The following ASAP1 variants were observed in gnomAD, a reference collection of about 807,000 sequenced individuals.
ASAP1 encodes ArfGAP with SH3 domain, ankyrin repeat and PH domain 1, also known as arf-GAP with SH3 domain, ANK repeat and PH domain-containing protein 1.
ASAP1 carries 43 observed loss-of-function variants against 145.2 expected under a neutral mutation model. The ratio of observed to expected loss-of-function variants is 0.30; its 90% CI spans 0.23 to 0.38. The LOEUF (loss-of-function observed/expected upper bound fraction) is 0.38. Among genes scored for constraint, ASAP1 ranks in the 10% least tolerant of loss-of-function variants. ASAP1 has a pLI of 1.00. For synonymous variants in ASAP1, 546 were observed against 515.5 expected (o/e 1.06, Z -0.80); for missense variants, 1,018 against 1,355.3 (o/e 0.75, Z 3.91).
intron 3 of ASAP1, among the ~76,000 whole-genome samples, chr8:130,239,856 G>A (rs930808357): frequency 1.2e-4 from 19 of 152,142 alleles, no homozygotes; most frequent in Admixed American, 1.2e-3. Context: ...CACATACTAA[G>A]TAAGAGAAGA....
chr8:130,312,454 A>G (rs200561211), intron 3 of ASAP1, among the ~76,000 whole-genome samples: 7 of 75,738 alleles, frequency 9.2e-5, no homozygotes, highest in South Asian at 3.3e-4. Flanking sequence ...AAAGGAGGGG[A>G]AAAAAAACCC....
chr8:130,232,451 GAAC>G (rs371567152), intron 4 of ASAP1, among the ~76,000 whole-genome samples: 1 of 152,134 alleles, frequency 6.6e-6, no homozygotes, highest in African/African-American at 2.4e-5. Context: ...AAAACTTAGA[GAAC>G]AACACAGGAA....
At chr8:130,065,446 T>G (rs1423281868) in intron 27 of ASAP1, among the ~76,000 whole-genome samples, 2 of 152,066 alleles carry the variant, frequency 1.3e-5, no homozygotes, top group Non-Finnish European at 2.9e-5. Flanking sequence ...GGGTATAGGG[T>G]AGGATCTCAA....
At chr8:130,438,754 C>T (rs924195182) in intron 1 of ASAP1, among the ~76,000 whole-genome samples, 2 of 152,190 alleles carry the variant, frequency 1.3e-5, no homozygotes, top group African/African-American at 4.8e-5. Flanking sequence ...CCACGGAGGC[C>T]TGGCACAGAG....
At position 130,413,263 on chromosome 8, in the gene ASAP1, A is replaced by G. The variant is rs117151718; in HGVS notation, c.-27-11293T>C. ...ATTTCCCTTCTAGTTTTAGAACTAA[A>G]AAAAGATCTTTAACACACTAACAAG... On this transcript the variant is annotated intron_variant, in intron 1 of 29. Transcript: ENST00000518721. 3.2e-3 allele frequency among the ~76,000 whole-genome samples: 487 copies of G among 152,342 alleles called. 7 individuals are homozygous for G. The highest frequency in any genetic ancestry group is 0.019 in the Admixed American group (284 of 15,296).
At chr8:130,441,856 T>C (rs1268363845) in intron 1 of ASAP1, among the ~76,000 whole-genome samples, 1 of 152,162 alleles carries the variant, frequency 6.6e-6, no homozygotes, top group East Asian at 1.9e-4. Context: ...GAAAAATAGA[T>C]GGGCTGCTTA....
intron 25 of ASAP1, among the ~76,000 whole-genome samples, chr8:130,090,714 A>C (rs2097503738): frequency 1.3e-5 from 2 of 152,326 alleles, no homozygotes; most frequent in African/African-American, 4.8e-5. Context: ...ATGGACTGAG[A>C]AGGCCCAAGC....
chr8:130,150,645 G>T (rs1288081567), intron 13 of ASAP1, among the ~76,000 whole-genome samples: 1 of 152,130 alleles, frequency 6.6e-6, no homozygotes, highest in Non-Finnish European at 1.5e-5. Flanking sequence ...TTGGGAGGCC[G>T]AGGCGGGTGG....
intron 5 of ASAP1, among the ~76,000 whole-genome samples, chr8:130,193,936 C>T (rs574329794): frequency 1.3e-5 from 2 of 152,252 alleles, no homozygotes; most frequent in Admixed American, 6.5e-5. Flanking sequence ...GTGATCTGCC[C>T]GCCTCTGCCT....
At chr8:130,056,649 A>C (rs2097404884) in intron 29 of ASAP1, among the ~76,000 whole-genome samples, 1 of 152,190 alleles carries the variant, frequency 6.6e-6, no homozygotes, top group African/African-American at 2.4e-5. Flanking sequence ...GAAAAGTCAA[A>C]GGTGAATGTG....
intron 29 of ASAP1, 97 bp from the exon 30 acceptor site, chr8:130,054,902 C>G (rs1283119532): frequency 7.4e-6 from 7 of 949,892 alleles, no homozygotes; most frequent in Non-Finnish European, 1.2e-5. Flanking sequence ...TGCCCACAGA[C>G]CTGGCGGTGG....
At chr8:130,063,887 C>T (rs189743972) in intron 27 of ASAP1, among the ~76,000 whole-genome samples, 123 of 152,150 alleles carry the variant, frequency 8.1e-4, no homozygotes, top group Non-Finnish European at 1.1e-3. Context: ...TCACATTCCA[C>T]GAGAGGGTGA....
intron 4 of ASAP1, among the ~76,000 whole-genome samples, chr8:130,230,272 GGA>G (rs199892460): frequency 0.1 from 15,577 of 152,052 alleles, 922 homozygotes; most frequent in South Asian, 0.27. Flanking sequence ...GCAAAACGGA[GGA>G]AGTGCATACA....
chr8:130,357,569 T>C (rs1826399774), intron 3 of ASAP1, among the ~76,000 whole-genome samples: 1 of 152,252 alleles, frequency 6.6e-6, no homozygotes, highest in Non-Finnish European at 1.5e-5. Flanking sequence ...TACGCCTGCC[T>C]GGTCCAGTCG....
intron 11 of ASAP1, among the ~76,000 whole-genome samples, chr8:130,162,173 GA>G (rs1472195629): frequency 1.3e-5 from 2 of 152,148 alleles, no homozygotes; most frequent in Admixed American, 1.3e-4. Context: ...CTCCCTAATA[GA>G]TATTTTCACA....
At chr8:130,234,406 G>A (rs1207991359) in intron 4 of ASAP1, among the ~76,000 whole-genome samples, 1 of 152,106 alleles carries the variant, frequency 6.6e-6, no homozygotes, top group Non-Finnish European at 1.5e-5. Flanking sequence ...GAGATTCAAT[G>A]TTCAATAAGC....
At chr8:130,111,632 A>G (rs1425867798) in intron 24 of ASAP1, among the ~76,000 whole-genome samples, 2 of 152,154 alleles carry the variant, frequency 1.3e-5, no homozygotes, top group African/African-American at 2.4e-5. Context: ...TATTATTACT[A>G]GCGTCTTCAA....
At chr8:130,288,383 C>T (rs558120294) in intron 3 of ASAP1, among the ~76,000 whole-genome samples, 15 of 151,994 alleles carry the variant, frequency 9.9e-5, no homozygotes, top group Admixed American at 2.0e-4. Context: ...GTTGAAACAA[C>T]TGTTAATAAA....
intron 4 of ASAP1, among the ~76,000 whole-genome samples, chr8:130,223,157 G>A (rs960537219): frequency 6.6e-6 from 1 of 152,164 alleles, no homozygotes; most frequent in Non-Finnish European, 1.5e-5. Context: ...TCTACTTAAT[G>A]GGTATAATAA....
Sources: allele counts gnomAD v4.1 joint callset (sites outside exome capture counted in the v4.1 genomes callset), GRCh38; gene constraint gnomAD v4.1.1; transcripts MANE v1.5; gene names NCBI Gene and HGNC (gene_info 2026-07-23, HGNC 2026-07-21).